PKD2: variants seen among roughly 807,000 people sequenced by gnomAD.
The protein encoded by PKD2 is polycystin 2, transient receptor potential cation channel, also known as polycystin-2.
In PKD2, 48 loss-of-function variants were observed where a neutral mutation model predicts 105.9. That is an observed-to-expected ratio of 0.45 (90% CI 0.36 to 0.58). PKD2 has a LOEUF of 0.58. Ranked by LOEUF, PKD2 falls within the 20% of genes least tolerant of loss-of-function variation. The pLI is 0.00. For synonymous variants in PKD2, 464 were observed against 481.1 expected, an observed-to-expected ratio of 0.96 and a Z score of 0.46; for missense variants, 1,078 against 1,255.3, an observed-to-expected ratio of 0.86 and a Z score of 2.13.
rs746729664 is a variant in PKD2, at chr4:88,065,821, A to T, written c.2300A>T (p.Asp767Val). 6.2e-7 allele frequency: 1 copy of T among 1,613,872 alleles called. No individual in the cohort carries two copies. Among genetic ancestry groups the T allele is most frequent in the Non-Finnish European group, 8.5e-7 (1 of 1,179,784 alleles). The change falls in exon 12 of 15, where the codon GAC (aspartate) becomes GTC (valine). Residue 767 changes from aspartate to valine, a missense_variant. Coordinates refer to ENST00000237596, the MANE Select transcript of PKD2 (RefSeq NM_000297.4). ...TTCACAAAGTACGACCAAGATGGAGACCAAGAACTGACCGAACATGAACAT... is the reference window on the plus strand; with the variant it reads ...TTCACAAAGTACGACCAAGATGGAGTCCAAGAACTGACCGAACATGAACAT... ...AIFTKYDQDG[D>V]QELTEHEHQQ...
chr4:88,065,698 TCTGTG>T, intron 11 of PKD2, 59 bp from the exon 12 acceptor site: 1 of 1,294,974 alleles, frequency 7.7e-7, no homozygotes, highest in Non-Finnish European at 1.1e-6. Context: ...TTTTGATGTC[TCTGTG>T]TTGAGGGTGA....
intron 1 of PKD2, among the ~76,000 whole-genome samples, chr4:88,009,667 A>G (rs1726319385): frequency 6.6e-6 from 1 of 152,262 alleles, no homozygotes; most frequent in Admixed American, 6.5e-5. Flanking sequence ...AGTTAATTTT[A>G]TTAAAAGCAT....
At position 88,067,887 on chromosome 4, in the gene PKD2, T is replaced by C; in HGVS notation, c.2359-11T>C. The C allele has an allele frequency of 6.2e-7, 1 of 1,613,050 alleles. No individual in the cohort carries two copies. The highest frequency in any genetic ancestry group is 8.5e-7 in the Non-Finnish European group (1 of 1,179,662). On this transcript the variant is annotated splice_polypyrimidine_tract_variant and intron_variant, in intron 12 of 14. Coordinates refer to ENST00000237596, the MANE Select transcript of PKD2 (RefSeq NM_000297.4). ...GTTCTGCTCCTCACTCAGTGACCCC[T>C]TGTTCTTCAGGAGGACCTGGATTTG...
intron 2 of PKD2, among the ~76,000 whole-genome samples, chr4:88,024,827 A>G (rs1008555782): frequency 5.9e-5 from 9 of 152,204 alleles, no homozygotes; most frequent in Non-Finnish European, 1.3e-4. Flanking sequence ...AGACTTCCAT[A>G]AATATTTTAT....
At chr4:88,023,333 A>C (rs1326582331) in intron 2 of PKD2, among the ~76,000 whole-genome samples, 1 of 152,110 alleles carries the variant, frequency 6.6e-6, no homozygotes, top group Non-Finnish European at 1.5e-5. Flanking sequence ...ACACTTTTAA[A>C]TGACCAGATC....
intron 1 of PKD2, among the ~76,000 whole-genome samples, 159 bp from the exon 2 acceptor site, chr4:88,019,299 C>A: frequency 6.6e-6 from 1 of 150,728 alleles, no homozygotes; most frequent in Non-Finnish European, 1.5e-5. Flanking sequence ...GCCTACAAAA[C>A]CAGTTTCTCA....
At chr4:88,014,157 G>T (rs1478721397) in intron 1 of PKD2, among the ~76,000 whole-genome samples, 5 of 152,206 alleles carry the variant, frequency 3.3e-5, no homozygotes, top group African/African-American at 9.6e-5. Flanking sequence ...CCATGGGAGG[G>T]ATAAGAAGAG....
At chr4:88,064,671 C>G (rs1047425003) in intron 10 of PKD2, among the ~76,000 whole-genome samples, 1 of 151,748 alleles carries the variant, frequency 6.6e-6, no homozygotes, top group Non-Finnish European at 1.5e-5. Context: ...GCAGGCAGAT[C>G]GCTTGAGCTC....
rs1434116020 is a variant in PKD2 at position 88,008,220 on chromosome 4, C to A, written c.487C>A (p.Pro163Thr). ...GCGCCGGCGAGAGGACCAGGGCCCGCCGTGCCCCAGCCCAGTCGGCGGCGG... is the reference window on the plus strand; with the variant it reads ...GCGCCGGCGAGAGGACCAGGGCCCGACGTGCCCCAGCCCAGTCGGCGGCGG... Reference protein sequence around the residue: ...RRRRREDQGPPCPSPVGGGDP... With the variant: ...RRRRREDQGPTCPSPVGGGDP... The change falls in exon 1 of 15, where the codon CCG becomes ACG. Residue 163 changes from proline (P) to threonine (T), a missense_variant. By Grantham distance (38) the Pro-to-Thr change is conservative. Coordinates refer to ENST00000237596, the MANE Select transcript of PKD2 (RefSeq NM_000297.4). 1 of 1,407,700 alleles carries A rather than the reference C, an allele frequency of 7.1e-7. No individual in the cohort carries two copies. Among genetic ancestry groups the A allele is most frequent in the Admixed American group, 2.9e-5 (1 of 34,044 alleles). 87.2% of individuals were successfully genotyped at this position (1,407,700 alleles called of 1,614,324 possible).
chr4:88,071,574 T>C (rs1578151596), intron 13 of PKD2, among the ~76,000 whole-genome samples: 1 of 152,114 alleles, frequency 6.6e-6, no homozygotes, highest in East Asian at 1.9e-4. Context: ...GTTGTTGTTG[T>C]TGTTGTTAAA....
intron 12 of PKD2, among the ~76,000 whole-genome samples, chr4:88,066,558 C>T (rs756950934): frequency 8.6e-5 from 13 of 151,968 alleles, no homozygotes; most frequent in Non-Finnish European, 1.8e-4. Context: ...TATGGGGTTT[C>T]ACCATGTTGG....
chr4:88,047,946 A>T (rs539963945), intron 6 of PKD2, among the ~76,000 whole-genome samples: 45 of 152,248 alleles, frequency 3.0e-4, no homozygotes, highest in African/African-American at 9.9e-4. Context: ...TTTTTTCAAG[A>T]TGTTTTCCCT....
At position 88,043,882 on chromosome 4, in the gene PKD2, G is replaced by A. The variant is rs535906056; in HGVS notation, c.1319+425G>A. ...CTATTAGCACACAAGCACAGTAACC[G>A]GAGTGCTTGTAGGATGCTCAGTAGG... On this transcript the variant is annotated intron_variant, in intron 5 of 14. Transcript: ENST00000237596. Among the ~76,000 whole-genome samples the A allele has an allele frequency of 6.9e-4, 105 of 152,208 alleles. 1 individual carries two copies. The highest frequency in any genetic ancestry group is 4.5e-3 in the Admixed American group (68 of 15,264).
chr4:88,032,560 G>A (rs1456854498), intron 2 of PKD2, among the ~76,000 whole-genome samples: 1 of 152,174 alleles, frequency 6.6e-6, no homozygotes, highest in Non-Finnish European at 1.5e-5. Context: ...AGAAAGATGT[G>A]TACATATGTA....
At chr4:88,031,470 G>T (rs1319503818) in intron 2 of PKD2, among the ~76,000 whole-genome samples, 1 of 152,108 alleles carries the variant, frequency 6.6e-6, no homozygotes, top group African/African-American at 2.4e-5. Flanking sequence ...TAGTTTTCCT[G>T]TGCAAAGTGA....
intron 2 of PKD2, among the ~76,000 whole-genome samples, chr4:88,026,097 G>A (rs916246805): frequency 1.3e-5 from 2 of 152,164 alleles, no homozygotes; most frequent in South Asian, 2.1e-4. Flanking sequence ...ATATGGAAGC[G>A]ACTCTGGAAC....
At chr4:88,063,930 G>A (rs554042585) in intron 10 of PKD2, among the ~76,000 whole-genome samples, 266 of 152,146 alleles carry the variant, frequency 1.7e-3, no homozygotes, top group Non-Finnish European at 3.0e-3. Context: ...CAAGGTGGGT[G>A]GATCACTTGA....
chr4:88,070,252 C>T (rs1381722331), intron 13 of PKD2, among the ~76,000 whole-genome samples: 1 of 152,102 alleles, frequency 6.6e-6, no homozygotes, highest in East Asian at 1.9e-4. Flanking sequence ...TCTCTCACCA[C>T]TTTCAAGATT....
At chr4:88,063,094 G>A (rs1720640780) in intron 10 of PKD2, among the ~76,000 whole-genome samples, 1 of 152,224 alleles carries the variant, frequency 6.6e-6, no homozygotes. Context: ...CAGATGTGCA[G>A]GCTGAGCAGG....
Sources: allele counts gnomAD v4.1 joint callset (sites outside exome capture counted in the v4.1 genomes callset), GRCh38; gene constraint gnomAD v4.1.1; transcripts MANE v1.5; gene names NCBI Gene and HGNC (gene_info 2026-07-23, HGNC 2026-07-21).